DPP6: variants seen among roughly 807,000 people sequenced by gnomAD.
DPP6 encodes the protein dipeptidyl peptidase like 6.
Under a neutral mutation model 122.6 loss-of-function variants are expected in DPP6, and 69 were observed. That is an observed-to-expected ratio of 0.56 (90% CI 0.46 to 0.69). The LOEUF is 0.69. Among genes scored for constraint, DPP6 ranks in the 30% least tolerant of loss-of-function variants. The pLI, the probability that DPP6 is intolerant of heterozygous loss-of-function variation, is 0.00. For synonymous variants in DPP6, 418 were observed against 433.1 expected, an observed-to-expected ratio of 0.97 and a Z score of 0.43; for missense variants, 928 against 1,116.9, an observed-to-expected ratio of 0.83 and a Z score of 2.41.
intron 6 of DPP6, among the ~76,000 whole-genome samples, chr7:154,638,854 G>T (rs182821981): frequency 2.6e-5 from 4 of 152,016 alleles, no homozygotes; most frequent in African/African-American, 7.2e-5. Context: ...CCTTCTCCTG[G>T]CCTTCCTGTT....
intron 1 of DPP6, among the ~76,000 whole-genome samples, chr7:154,044,253 C>A (rs1384949431): frequency 6.6e-6 from 1 of 152,136 alleles, no homozygotes; most frequent in Admixed American, 6.5e-5. Flanking sequence ...ATAGACAAAC[C>A]TATTTTTCCC....
At chr7:153,850,422 G>A in the DPP6 span, among the ~76,000 whole-genome samples, 4 of 152,280 alleles carry the variant, frequency 2.6e-5, no homozygotes, top group East Asian at 3.9e-4. Context: ...GCAAGGGAGC[G>A]AGTCTACTGC....
intron 1 of DPP6, among the ~76,000 whole-genome samples, chr7:154,438,469 C>CAAA (rs58978160): frequency 0.02 from 751 of 37,554 alleles, 5 homozygotes; most frequent in Middle Eastern, 0.042. Context: ...GACTCCAACT[C>CAAA]AAAAAAAAAA....
intron 1 of DPP6, among the ~76,000 whole-genome samples, chr7:154,373,927 CAGGTTCATCCAT>C (rs1812893709): frequency 6.6e-6 from 1 of 152,206 alleles, no homozygotes; most frequent in Non-Finnish European, 1.5e-5. Context: ...TAACATCCTC[CAGGTTCATCCAT>C]AGGTTCATCC....
chr7:153,866,054 G>A, the DPP6 span, among the ~76,000 whole-genome samples: 4 of 152,074 alleles, frequency 2.6e-5, no homozygotes, highest in African/African-American at 9.7e-5. Flanking sequence ...GTCTATCATT[G>A]TTGGACATTT....
At chr7:153,786,632 G>A in the DPP6 span, among the ~76,000 whole-genome samples, 23 of 150,666 alleles carry the variant, frequency 1.5e-4, no homozygotes, top group Admixed American at 4.6e-4. Flanking sequence ...CCAGCTACTC[G>A]GGAGGCTGAG....
chr7:154,719,910 G>A (rs1841706391), intron 7 of DPP6, among the ~76,000 whole-genome samples: 1 of 152,212 alleles, frequency 6.6e-6, no homozygotes, highest in Non-Finnish European at 1.5e-5. Flanking sequence ...GTGGGTTTCA[G>A]GGGGTGCCAG....
In DPP6 at chr7:154,849,931, C is replaced by T. The variant is rs528028296; in HGVS notation, c.1667-3849C>T. 2.6e-5 allele frequency among the ~76,000 whole-genome samples: 4 copies of T among 152,266 alleles called. No homozygotes were observed. In the South Asian group the frequency reaches 8.3e-4, roughly 32 times the overall value. ...GCATCTATTGCAAGGATTGCATGGC[C>T]TTCATTTTGTTAATATGGTGAATCA... On this transcript the variant is annotated intron_variant, in intron 16 of 25. Transcript: ENST00000377770.
At chr7:154,498,831 G>A (rs1042117490) in intron 3 of DPP6, among the ~76,000 whole-genome samples, 6 of 152,134 alleles carry the variant, frequency 3.9e-5, no homozygotes, top group Admixed American at 6.5e-5. Flanking sequence ...CACCACCTAC[G>A]CTGTAAAAAT....
rs147548047 is a variant in DPP6 at position 154,704,891 on chromosome 7, C to T, written c.763-22876C>T. Among the ~76,000 whole-genome samples the T allele has an allele frequency of 8.8e-3, 1,341 of 152,224 alleles. 21 individuals are homozygous for T. The highest frequency in any genetic ancestry group is 0.031 in the African/African-American group (1,282 of 41,532). ...GAACCTGCCAAATCTTTGTGGCATGCCTGTATATGGCTTTCTGTTTTTATC... is the reference window on the plus strand; with the variant it reads ...GAACCTGCCAAATCTTTGTGGCATGTCTGTATATGGCTTTCTGTTTTTATC... On this transcript the variant is annotated intron_variant, in intron 7 of 25. Coordinates refer to ENST00000377770, the MANE Select transcript of DPP6 (RefSeq NM_130797.4).
chr7:154,002,834 T>G (rs1398412841), intron 1 of DPP6, among the ~76,000 whole-genome samples: 1 of 152,168 alleles, frequency 6.6e-6, no homozygotes, highest in Non-Finnish European at 1.5e-5. Flanking sequence ...AGGGTGGATT[T>G]GACTGAGAGA....
chr7:154,490,356 GC>G (rs1463342549), intron 3 of DPP6, among the ~76,000 whole-genome samples: 1 of 152,200 alleles, frequency 6.6e-6, no homozygotes, highest in Non-Finnish European at 1.5e-5. Flanking sequence ...CATTAGTGCA[GC>G]CCGTGGCTAC....
At position 154,566,861 on chromosome 7, in the gene DPP6, G is replaced by A. The variant is rs752296909; in HGVS notation, c.572G>A (p.Arg191Lys). 23 of 1,602,096 alleles carry A rather than the reference G, an allele frequency of 1.4e-5. No homozygotes were observed. In the Admixed American group the frequency reaches 3.9e-4, roughly 27 times the overall value. ...GKKIESLRAI[R>K]YEISPDREYA... is the part of the protein sequence containing the mutation. ...TTTTAGGAATCATTAAGAGCCATCAGATATGAAATATCTCCAGATAGAGAG... is the reference window on the plus strand; with the variant it reads ...TTTTAGGAATCATTAAGAGCCATCAAATATGAAATATCTCCAGATAGAGAG... The change falls in exon 5 of 26, where the codon AGA (arginine) becomes AAA (lysine). Residue 191 changes from arginine (R) to lysine (K), a missense_variant. Coordinates refer to ENST00000377770, the MANE Select transcript of DPP6 (RefSeq NM_130797.4).
the DPP6 span, among the ~76,000 whole-genome samples, chr7:153,841,688 G>A: frequency 6.6e-6 from 1 of 152,096 alleles, no homozygotes; most frequent in Non-Finnish European, 1.5e-5. Context: ...AAAGCAACTA[G>A]AGTCAGCTGG....
intron 1 of DPP6, among the ~76,000 whole-genome samples, chr7:154,084,909 G>A (rs1804276156): frequency 7.2e-6 from 1 of 138,706 alleles, no homozygotes; most frequent in Non-Finnish European, 1.5e-5. Flanking sequence ...AGAATGGTGT[G>A]AACCCGGGAG....
chr7:154,225,043 G>A (rs1179873212), intron 1 of DPP6, among the ~76,000 whole-genome samples: 2 of 152,148 alleles, frequency 1.3e-5, no homozygotes, highest in African/African-American at 4.8e-5. Flanking sequence ...GCAGGAGGCT[G>A]AGGCAGGAGA....
chr7:154,612,396 CAG>C (rs1833967408), intron 5 of DPP6, among the ~76,000 whole-genome samples: 1 of 152,208 alleles, frequency 6.6e-6, no homozygotes, highest in Admixed American at 6.5e-5. Context: ...GTTATATAAA[CAG>C]ATTTATAAAA....
the DPP6 span, among the ~76,000 whole-genome samples, chr7:153,829,790 C>T: frequency 6.6e-6 from 1 of 152,150 alleles, no homozygotes; most frequent in Non-Finnish European, 1.5e-5. Context: ...AACAGGGAGC[C>T]GGAACTGGGT....
Position 154,883,859 on chromosome 7 carries a change from G to A in DPP6, c.2134-1774G>A, listed in dbSNP as rs993967712. On this transcript the variant is annotated intron_variant, in intron 21 of 25. Transcript: ENST00000377770. ...CTCACCCATACACACATGCTCACATGATTACACATGCTCCCACATACATAC... is the reference window on the plus strand; with the variant it reads ...CTCACCCATACACACATGCTCACATAATTACACATGCTCCCACATACATAC... The A allele has an allele frequency of 5.7e-4, 36 of 62,700 alleles. 2 individuals carry two copies. The highest frequency in any genetic ancestry group is 2.6e-3 in the African/African-American group (35 of 13,310). 3.9% of individuals were successfully genotyped at this position (62,700 alleles called of 1,614,324 possible).
Sources: allele counts gnomAD v4.1 joint callset (sites outside exome capture counted in the v4.1 genomes callset), GRCh38; gene constraint gnomAD v4.1.1; transcripts MANE v1.5; gene names NCBI Gene and HGNC (gene_info 2026-07-23, HGNC 2026-07-21).